Variants in ZNF680 observed in about 807,000 individuals in gnomAD.
ZNF680 encodes zinc finger protein 680.
A neutral mutation model predicts 12.1 loss-of-function variants in ZNF680; 6 were observed. That is an observed-to-expected ratio of 0.49 (90% CI 0.27 to 0.98). The LOEUF (loss-of-function observed/expected upper bound fraction) is 0.98, where lower values mean the gene tolerates loss of function less well. ZNF680 is among the 50% of genes least tolerant of loss of function. ZNF680 has a pLI of 0.12. For missense variants in ZNF680, 561 were observed against 616.3 expected (o/e 0.91, Z 0.95); for synonymous variants, 170 against 199.3 (o/e 0.85, Z 1.24).
the ZNF680 span, among the ~76,000 whole-genome samples, chr7:64,500,194 G>A: frequency 6.6e-6 from 1 of 152,126 alleles, no homozygotes; most frequent in African/African-American, 2.4e-5. Flanking sequence ...TACCAAGGAT[G>A]TAAAATAATT....
chr7:64,525,863 AC>A, intron 3 of ZNF680: 2 of 985,174 alleles, frequency 2.0e-6, no homozygotes, highest in Non-Finnish European at 2.4e-6. Context: ...TTTGCAACAA[AC>A]CTATACCAGA....
chr7:64,512,214 T>C, the ZNF680 span, among the ~76,000 whole-genome samples: 2 of 150,642 alleles, frequency 1.3e-5, no homozygotes, highest in African/African-American at 4.9e-5. Context: ...CTTTGGGAGG[T>C]CAAGGCAGGT....
rs10215113 is a variant in ZNF680 at position 64,547,775 on chromosome 7, T to C, written c.31-3343A>G. Among the ~76,000 whole-genome samples the C allele has an allele frequency of 3.8e-3, 585 of 152,292 alleles. 11 individuals carry two copies. The highest frequency in any genetic ancestry group is 0.013 in the African/African-American group (540 of 41,556). On this transcript the variant is annotated intron_variant, in intron 1 of 3. Transcript: ENST00000309683. ...GGAGCAACTACTAAATCTGCAGTAA[T>C]AGAAAACAAGTTGCTACATGGAACA...
intron 3 of ZNF680, among the ~76,000 whole-genome samples, chr7:64,542,725 CAG>C (rs1389764734): frequency 6.6e-6 from 1 of 151,986 alleles, no homozygotes; most frequent in East Asian, 1.9e-4. Context: ...TTTTTTGAGA[CAG>C]AGTCTCTGTC....
At chr7:64,553,955 C>G (rs1787235174) in intron 1 of ZNF680, among the ~76,000 whole-genome samples, 1 of 152,208 alleles carries the variant, frequency 6.6e-6, no homozygotes, top group African/African-American at 2.4e-5. Context: ...CTCCCAGCCG[C>G]CTGCCTTGGC....
At chr7:64,504,362 T>C in the ZNF680 span, among the ~76,000 whole-genome samples, 1 of 152,228 alleles carries the variant, frequency 6.6e-6, no homozygotes, top group Admixed American at 6.5e-5. Flanking sequence ...ACACTGTTAT[T>C]TGGCTTAAAG....
intron 3 of ZNF680, among the ~76,000 whole-genome samples, chr7:64,523,423 G>A (rs1421670343): frequency 6.6e-6 from 1 of 151,456 alleles, no homozygotes; most frequent in Admixed American, 6.6e-5. Flanking sequence ...GGAAGGAAGT[G>A]AAAGCATTTC....
chr7:64,521,710 T>C lies in ZNF680; in HGVS notation c.1044A>G (p.Lys348=), dbSNP rs1380941778. The change falls in exon 4 of 4, where the codon AAA becomes AAG. Residue 348 remains lysine (K), a synonymous_variant. Coordinates refer to ENST00000309683, the MANE Select transcript of ZNF680 (RefSeq NM_178558.5). ...TKHKKIHTGE[K]PYKCEECGKA... ...TGCCACATTCTTCACATTTGTAGGG[T>C]TTCTCTCCAGTATGAATTTTCTTAT... 18 of 1,612,556 alleles carry C rather than the reference T, an allele frequency of 1.1e-5. No homozygotes were observed. Among genetic ancestry groups the C allele is most frequent in the South Asian group, 3.3e-5 (3 of 91,048 alleles).
chr7:64,502,796 A>AT, the ZNF680 span, among the ~76,000 whole-genome samples: 1 of 152,172 alleles, frequency 6.6e-6, no homozygotes, highest in South Asian at 2.1e-4. Context: ...TGAAGAATCA[A>AT]AACCGAATAA....
the ZNF680 span, among the ~76,000 whole-genome samples, chr7:64,513,327 A>C: frequency 6.6e-6 from 1 of 152,016 alleles, no homozygotes; most frequent in Non-Finnish European, 1.5e-5. Context: ...TTAAAGCAAA[A>C]GCTTTAAGCA....
At chr7:64,532,274 C>A (rs1285412700) in intron 3 of ZNF680, among the ~76,000 whole-genome samples, 5 of 151,020 alleles carry the variant, frequency 3.3e-5, no homozygotes, top group African/African-American at 1.2e-4. Flanking sequence ...CACTGCACTC[C>A]AGCCTGGGCA....
chr7:64,559,002 A>G (rs1215340443), intron 1 of ZNF680, among the ~76,000 whole-genome samples: 2 of 152,150 alleles, frequency 1.3e-5, no homozygotes, highest in Non-Finnish European at 2.9e-5. Flanking sequence ...GCTATTGGCT[A>G]CATTCCCATG....
chr7:64,522,977 GTA>G (rs2116368135), intron 3 of ZNF680, among the ~76,000 whole-genome samples: 1 of 151,406 alleles, frequency 6.6e-6, no homozygotes, highest in Admixed American at 6.6e-5. Context: ...TTCTGAAAAA[GTA>G]TATTGGCACT....
intron 1 of ZNF680, among the ~76,000 whole-genome samples, chr7:64,548,793 G>T (rs773406592): frequency 1.6e-4 from 25 of 152,004 alleles, no homozygotes; most frequent in South Asian, 4.2e-4. Flanking sequence ...ACCCGATGAT[G>T]TGCCAAGCAG....
intron 3 of ZNF680, among the ~76,000 whole-genome samples, chr7:64,540,173 G>A (rs966963802): frequency 1.3e-5 from 2 of 151,894 alleles, no homozygotes; most frequent in African/African-American, 2.4e-5. Context: ...AGATATGATC[G>A]GACAACCATT....
intron 1 of ZNF680, among the ~76,000 whole-genome samples, chr7:64,558,253 T>G (rs1458916163): frequency 6.6e-6 from 1 of 151,932 alleles, no homozygotes; most frequent in Non-Finnish European, 1.5e-5. Context: ...CTTTTGTGGA[T>G]TTTTGGCAAA....
downstream of ZNF680, among the ~76,000 whole-genome samples, chr7:64,517,578 C>T (rs552338420): frequency 5.9e-5 from 9 of 152,040 alleles, no homozygotes; most frequent in East Asian, 1.7e-3. Context: ...TAAGAGGGAA[C>T]CTCCATAATT....
chr7:64,540,545 C>T (rs955463982), intron 3 of ZNF680, among the ~76,000 whole-genome samples: 1 of 152,090 alleles, frequency 6.6e-6, no homozygotes, highest in Non-Finnish European at 1.5e-5. Flanking sequence ...CCTTCTGATC[C>T]ACCTGCCTCG....
At chr7:64,552,335 G>C (rs1787125712) in intron 1 of ZNF680, among the ~76,000 whole-genome samples, 1 of 152,186 alleles carries the variant, frequency 6.6e-6, no homozygotes. Flanking sequence ...TTACAGGCGT[G>C]AGCCACTGTG....
Sources: gnomAD v4.1 joint callset for allele counts (sites outside exome capture counted in the v4.1 genomes callset) on GRCh38, gnomAD v4.1.1 for gene constraint, MANE v1.5 for transcripts, NCBI Gene and HGNC (gene_info 2026-07-23, HGNC 2026-07-21) for gene names.